SYCP1: variants seen among roughly 807,000 people sequenced by gnomAD.
SYCP1 encodes the protein synaptonemal complex protein 1, also known as cancer/testis antigen 8.
A neutral mutation model predicts 153.1 loss-of-function variants in SYCP1; 64 were observed. That is an observed-to-expected ratio of 0.42 (90% CI 0.34 to 0.51). SYCP1 has a LOEUF of 0.51. SYCP1 is among the 20% of genes least tolerant of loss of function. The probability of loss-of-function intolerance (pLI) is 0.06; values close to 1 mark genes in which losing one functional copy is unlikely to be tolerated. For synonymous variants in SYCP1, 384 were observed against 341.8 expected (o/e 1.12, Z -1.36); for missense variants, 997 against 1,049.0 (o/e 0.95, Z 0.68).
intron 27 of SYCP1, among the ~76,000 whole-genome samples, chr1:114,965,603 C>G (rs1490649960): frequency 1.3e-5 from 2 of 152,158 alleles, no homozygotes; most frequent in Non-Finnish European, 2.9e-5. Flanking sequence ...TTTTCTGCAT[C>G]TATTGAGATA....
chr1:114,879,616 T>G (rs2101496757), intron 12 of SYCP1, among the ~76,000 whole-genome samples: 1 of 152,304 alleles, frequency 6.6e-6, no homozygotes, highest in East Asian at 1.9e-4. Context: ...CAGTATATGG[T>G]TTTGCACATA....
intron 28 of SYCP1, among the ~76,000 whole-genome samples, chr1:114,978,752 C>A (rs1389349034): frequency 2.6e-5 from 4 of 151,528 alleles, no homozygotes; most frequent in African/African-American, 9.7e-5. Flanking sequence ...ATGCACTGAA[C>A]CTGTGAGTGA....
At chr1:114,942,252 G>A (rs1670436436) in intron 23 of SYCP1, among the ~76,000 whole-genome samples, 1 of 151,938 alleles carries the variant, frequency 6.6e-6, no homozygotes, top group Non-Finnish European at 1.5e-5. Context: ...ATTTTCATGG[G>A]CTAAGAAGAT....
In SYCP1 at chr1:114,907,738, C is replaced by T. The variant is rs139872773; in HGVS notation, c.1321-2659C>T. Among the ~76,000 whole-genome samples the T allele has an allele frequency of 6.2e-3, 947 of 152,016 alleles. 14 individuals are homozygous for T. The highest frequency in any genetic ancestry group is 0.021 in the African/African-American group (883 of 41,464). ...CTGGGACTACAGGCGCCCGCCATGA[C>T]GCCTGGCTAATTTTTTGTATTTTTA... On this transcript the variant is annotated intron_variant, in intron 16 of 31. Transcript: ENST00000369522.
intron 19 of SYCP1, 123 bp downstream of exon 19, chr1:114,913,273 AGCAGAAAAATAT>A: frequency 1.3e-6 from 1 of 757,516 alleles, no homozygotes; most frequent in Non-Finnish European, 2.1e-6. Context: ...ACTTTGTTTT[AGCAGAAAAATAT>A]GCATATTGGT....
In SYCP1 at chr1:114,973,417, T is replaced by C. The variant is rs939780244; in HGVS notation, c.2323-4140T>C. Among the ~76,000 whole-genome samples the C allele has an allele frequency of 3.3e-5, 5 of 152,178 alleles. No individual in the cohort carries two copies. In the East Asian group the frequency reaches 9.6e-4, roughly 29 times the overall value. ...CTCATTATGCATTTTCTAGGCATCT[T>C]TTTCCTGGATTGCCTATTTATGTCC... is the stretch of plus-strand genomic sequence containing the variant. On this transcript the variant is annotated intron_variant, in intron 27 of 31. Transcript: ENST00000369522.
chr1:114,883,608 A>G (rs1666097870), intron 12 of SYCP1, among the ~76,000 whole-genome samples: 1 of 152,218 alleles, frequency 6.6e-6, no homozygotes, highest in Non-Finnish European at 1.5e-5. Context: ...GGCAGTATAC[A>G]TTCCGTTCCG....
chr1:114,881,726 T>A (rs967146531), intron 12 of SYCP1, among the ~76,000 whole-genome samples: 6 of 152,114 alleles, frequency 3.9e-5, no homozygotes, highest in Non-Finnish European at 8.8e-5. Context: ...GGTCTCAAAC[T>A]CCTGGGCTCT....
At chr1:114,916,602 C>G (rs144488006) in intron 20 of SYCP1, among the ~76,000 whole-genome samples, 1 of 147,374 alleles carries the variant, frequency 6.8e-6, no homozygotes, top group Non-Finnish European at 1.5e-5. Flanking sequence ...AGAATTTCTT[C>G]TTTTTAAAAT....
rs890915383 is a variant in SYCP1 at position 114,995,106 on chromosome 1, T to C, written c.*87T>C. ...TCTTATTTGCCAGAGCCAAATTTTATCTGGAAGTTGAGACTTAAAAAATAC... is the reference window on the plus strand; with the variant it reads ...TCTTATTTGCCAGAGCCAAATTTTACCTGGAAGTTGAGACTTAAAAAATAC... On this transcript the variant is annotated 3_prime_UTR_variant, in exon 32 of 32. Transcript: ENST00000369522. The C allele has an allele frequency of 1.2e-5, 16 of 1,331,390 alleles. No homozygotes were observed. The highest frequency in any genetic ancestry group is 1.5e-5 in the Non-Finnish European group (15 of 1,001,438). 82.5% of individuals were successfully genotyped at this position (1,331,390 alleles called of 1,614,324 possible). A position where few individuals can be genotyped will look rare whatever the true frequency, so the allele number is the denominator to read the frequency against.
At chr1:114,857,159 A>ATG in intron 3 of SYCP1, 73 bp from the exon 4 acceptor site, 1 of 693,198 alleles carries the variant, frequency 1.4e-6, no homozygotes, top group Non-Finnish European at 2.2e-6. Flanking sequence ...AAAAAAAAAG[A>ATG]GAAAAAAGAA....
chr1:114,946,462 A>T, intron 26 of SYCP1, 81 bp downstream of exon 26: 2 of 812,562 alleles, frequency 2.5e-6, no homozygotes, highest in South Asian at 1.8e-5. Flanking sequence ...ATATTAAGTA[A>T]AACTAATTTT....
intron 20 of SYCP1, 27 bp from the exon 21 acceptor site, chr1:114,923,422 T>A: frequency 6.5e-7 from 1 of 1,539,744 alleles, no homozygotes; most frequent in Non-Finnish European, 8.8e-7. Context: ...ATTTTTAGTA[T>A]AATGTCACTC....
At chr1:114,967,037 AGACTGTTTGTAAT>A (rs1256899808) in intron 27 of SYCP1, among the ~76,000 whole-genome samples, 2 of 152,062 alleles carry the variant, frequency 1.3e-5, no homozygotes. Context: ...GTGGTCTGAG[AGACTGTTTGTAAT>A]GATTTCCGTT....
At chr1:114,911,421 C>A in intron 17 of SYCP1, 58 bp from the exon 18 acceptor site, 2 of 1,373,122 alleles carry the variant, frequency 1.5e-6, no homozygotes, top group Non-Finnish European at 2.0e-6. Context: ...GTGACTATAC[C>A]TTTTAAATGA....
intron 23 of SYCP1, among the ~76,000 whole-genome samples, chr1:114,934,749 G>A (rs1669878762): frequency 6.6e-6 from 1 of 151,972 alleles, no homozygotes; most frequent in Non-Finnish European, 1.5e-5. Flanking sequence ...AAAAGCAGGG[G>A]TTGCCATCCC....
intron 30 of SYCP1, among the ~76,000 whole-genome samples, chr1:114,989,012 T>C (rs1215262121): frequency 6.6e-6 from 1 of 151,512 alleles, no homozygotes; most frequent in Non-Finnish European, 1.5e-5. Context: ...ACAAAAAATA[T>C]GGAAATTAGT....
At chr1:114,892,314 C>T (rs1666763839) in intron 15 of SYCP1, among the ~76,000 whole-genome samples, 1 of 152,130 alleles carries the variant, frequency 6.6e-6, no homozygotes, top group Non-Finnish European at 1.5e-5. Flanking sequence ...CTGGGAGAGC[C>T]TGCCCTTAGA....
In SYCP1 at chr1:114,858,683, C is replaced by T; in HGVS notation, c.428C>T (p.Ala143Val). 2 of 1,611,676 alleles carry T rather than the reference C, an allele frequency of 1.2e-6. No homozygotes were observed. The highest frequency in any genetic ancestry group is 2.2e-5 in the East Asian group (1 of 44,734). ...CAAGAAAACAGAAAGATAATTGAAG[C>T]ACAGCGAAAAGCCATTCAGGAACTG... ...KLQENRKIIE[A>V]QRKAIQELQF... Residue 143 changes from alanine to valine, a missense_variant, in exon 6 of 32, where the codon GCA becomes GTA. Around this residue, in one of 2 missense-constraint regions of SYCP1, gnomAD observed 285 missense variants for 366.1 expected, o/e 0.78. Coordinates refer to ENST00000369522, the MANE Select transcript of SYCP1 (RefSeq NM_003176.4).
Sources: gnomAD v4.1 joint callset for allele counts (sites outside exome capture counted in the v4.1 genomes callset) on GRCh38, gnomAD v4.1.1 for gene constraint, gnomAD v4.1.1 regional missense constraint, MANE v1.5 for transcripts, NCBI Gene and HGNC (gene_info 2026-07-23, HGNC 2026-07-21) for gene names.